Variants in DAB1 observed in about 807,000 individuals in gnomAD.
The protein encoded by DAB1 is disabled homolog 1.
DAB1 carries 15 observed loss-of-function variants against 64.6 expected under a neutral mutation model. That is an observed-to-expected ratio of 0.23 (90% CI 0.16 to 0.36). The LOEUF (loss-of-function observed/expected upper bound fraction) is 0.36. DAB1 is among the 10% of genes least tolerant of loss of function. The pLI is 1.00. For missense variants in DAB1, 596 were observed against 706.7 expected, an observed-to-expected ratio of 0.84 and a Z score of 1.78; for synonymous variants, 235 against 251.9, an observed-to-expected ratio of 0.93 and a Z score of 0.64.
intron 6 of DAB1, among the ~76,000 whole-genome samples, chr1:57,781,086 TTCTCTCTCTCTCTC>T (rs1180662610): frequency 1.0e-3 from 44 of 42,098 alleles, no homozygotes; most frequent in South Asian, 3.3e-3. Context: ...TTTGAGATCA[TTCTCTCTCTCTCTC>T]TCTCTCTCTC....
In DAB1 at chr1:58,360,716, G is replaced by A. The variant is rs567047783; in HGVS notation, n.258-17313C>T. Among the ~76,000 whole-genome samples the A allele has an allele frequency of 2.0e-5, 3 of 152,148 alleles. No individual in the cohort carries two copies. The East Asian group carries it at 5.8e-4, about 30-fold the overall frequency. On this transcript the variant is annotated intron_variant and non_coding_transcript_variant, in intron 3 of 20. Coordinates refer to the DAB1 transcript ENST00000485760. ...GAACATTTGCAGAAAGTCAAATACT[G>A]CGCTAATGAGAGAGTGTCAGGCTCA...
At chr1:57,960,253 A>G (rs923416065) in intron 5 of DAB1, among the ~76,000 whole-genome samples, 1 of 152,188 alleles carries the variant, frequency 6.6e-6, no homozygotes, top group South Asian at 2.1e-4. Flanking sequence ...CAGCTCAGCC[A>G]TGTTCTTACT....
intron 6 of DAB1, among the ~76,000 whole-genome samples, chr1:57,719,796 G>A (rs1356933441): frequency 2.0e-5 from 3 of 152,104 alleles, no homozygotes; most frequent in Admixed American, 1.3e-4. Context: ...GTGTGAGAGC[G>A]AACTAATACA....
intron 1 of DAB1, chr1:58,541,507 T>A (rs1646614682): frequency 6.8e-6 from 1 of 147,024 alleles, no homozygotes; most frequent in African/African-American, 2.5e-5. Flanking sequence ...ACCCAGCTAC[T>A]TGGGAGGCTG....
chr1:57,473,372 C>A lies in DAB1; in HGVS notation n.625+176220G>T, dbSNP rs547998286. Reference sequence around the variant, plus strand: ...ATTGCCCTCCCTCAAGGGAAGGGCCCTTACTTGAGATGTTCCCCGCTGCAG... The same window carrying A: ...ATTGCCCTCCCTCAAGGGAAGGGCCATTACTTGAGATGTTCCCCGCTGCAG... On this transcript the variant is annotated intron_variant and non_coding_transcript_variant, in intron 7 of 20. Coordinates refer to the DAB1 transcript ENST00000485760. 2.0e-5 allele frequency among the ~76,000 whole-genome samples: 3 copies of A among 152,262 alleles called. No individual in the cohort carries two copies. The South Asian group carries it at 6.2e-4, about 32-fold the overall frequency.
At chr1:58,373,617 A>C (rs1378364566) in intron 3 of DAB1, among the ~76,000 whole-genome samples, 1 of 152,048 alleles carries the variant, frequency 6.6e-6, no homozygotes, top group South Asian at 2.1e-4. Flanking sequence ...ATTGTGAATA[A>C]TGCCGCAATA....
At position 58,049,127 on chromosome 1, in the gene DAB1, C is replaced by T. The variant is rs575483190; in HGVS notation, n.387+101384G>A. 6.9e-5 allele frequency: 56 copies of T among 809,428 alleles called. 1 individual carries two copies. In the South Asian group the frequency reaches 7.2e-4, roughly 10 times the overall value. 50.1% of individuals were successfully genotyped at this position (809,428 alleles called of 1,614,324 possible). A position where few individuals can be genotyped will look rare whatever the true frequency, so the allele number is the denominator to read the frequency against. On this transcript the variant is annotated intron_variant and non_coding_transcript_variant, in intron 5 of 20. Coordinates refer to the DAB1 transcript ENST00000485760. The stretch of plus-strand genomic sequence containing the variant: ...TGGCATATGTGACAAACCCAAAGCC[C>T]CCGGAGCACTTGGTGTTTGGATCTC...
Position 57,577,125 on chromosome 1 carries a change from G to C in DAB1, n.625+72467C>G, listed in dbSNP as rs187512609. On this transcript the variant is annotated intron_variant and non_coding_transcript_variant, in intron 7 of 20. Coordinates refer to the DAB1 transcript ENST00000485760. ...GAGTCTGTAATGCTCGGGAAAGCAG[G>C]CCATCAGGGCTTCTGATGGGGGACA... Among the ~76,000 whole-genome samples the C allele has an allele frequency of 3.9e-5, 6 of 152,264 alleles. No homozygotes were observed. The South Asian group carries it at 1.2e-3, about 32-fold the overall frequency.
chr1:57,658,477 G>A (rs971736848), intron 6 of DAB1, among the ~76,000 whole-genome samples: 1 of 151,316 alleles, frequency 6.6e-6, no homozygotes, highest in Non-Finnish European at 1.5e-5. Context: ...CTAATTTTTT[G>A]TATTTTTAGT....
At chr1:58,272,624 G>C (rs1047944494) in intron 4 of DAB1, among the ~76,000 whole-genome samples, 1 of 130,744 alleles carries the variant, frequency 7.6e-6, no homozygotes, top group Non-Finnish European at 1.6e-5. Flanking sequence ...TGACAGTGGG[G>C]TGTTAAAGTC....
At chr1:57,941,689 G>C (rs1285701408) in intron 5 of DAB1, among the ~76,000 whole-genome samples, 1 of 152,092 alleles carries the variant, frequency 6.6e-6, no homozygotes, top group Non-Finnish European at 1.5e-5. Flanking sequence ...ACAAAAATTA[G>C]CCAGGCTTGG....
intron 1 of DAB1, among the ~76,000 whole-genome samples, chr1:57,307,634 T>C (rs1674305937): frequency 2.0e-5 from 3 of 152,026 alleles, no homozygotes; most frequent in East Asian, 1.9e-4. Context: ...GTTTCCTGTC[T>C]GCTGAACCTA....
intron 7 of DAB1, among the ~76,000 whole-genome samples, chr1:57,641,378 G>GTTTTTTTTTTTTT (rs1491296848): frequency 5.5e-5 from 6 of 109,798 alleles, no homozygotes; most frequent in African/African-American, 1.7e-4. Context: ...TTTTTTTGTT[G>GTTTTTTTTTTTTT]GTTTTTTTTT....
chr1:57,482,614 T>C (rs1644037923), intron 7 of DAB1, among the ~76,000 whole-genome samples: 2 of 151,020 alleles, frequency 1.3e-5, no homozygotes, highest in South Asian at 2.1e-4. Flanking sequence ...AAATTGCCAA[T>C]AGCTTTTTAT....
rs147319853 is a variant in DAB1, at chr1:57,916,515, G to A, written n.388-32353C>T. Among the ~76,000 whole-genome samples the A allele has an allele frequency of 5.5e-4, 84 of 152,332 alleles. 1 individual carries two copies. In the East Asian group the frequency reaches 0.016, roughly 28 times the overall value. ...GTATTAAGAACAGCCAACATGGTTG[G>A]AGTGCTCACTACATACTAGGCACTA... On this transcript the variant is annotated intron_variant and non_coding_transcript_variant, in intron 5 of 20. Coordinates refer to the DAB1 transcript ENST00000485760.
rs915151564 is a variant in DAB1, at chr1:57,970,208, G to C, written n.388-86046C>G. On this transcript the variant is annotated intron_variant and non_coding_transcript_variant, in intron 5 of 20. Transcript: ENST00000485760. The stretch of plus-strand genomic sequence containing the variant: ...TAAGCCATCGTGTCTATGGTAGTTT[G>C]TTACAGCAACCTGAATGGACCAACA... 8.3e-4 allele frequency among the ~76,000 whole-genome samples: 126 copies of C among 152,274 alleles called. 1 individual carries two copies. The highest frequency in any genetic ancestry group is 2.9e-3 in the African/African-American group (120 of 41,556).
intron 6 of DAB1, among the ~76,000 whole-genome samples, chr1:57,779,891 C>T (rs955611043): frequency 2.6e-5 from 4 of 152,070 alleles, no homozygotes; most frequent in Non-Finnish European, 4.4e-5. Context: ...CATTCTCCAT[C>T]AAGAAGAGAG....
chr1:57,013,618 G>A (rs1026899310), intron 12 of DAB1, among the ~76,000 whole-genome samples: 6 of 152,128 alleles, frequency 3.9e-5, no homozygotes, highest in African/African-American at 1.4e-4. Context: ...ATTAACATTA[G>A]GGGTGTTTTT....
intron 3 of DAB1, among the ~76,000 whole-genome samples, chr1:58,504,664 A>C (rs985442008): frequency 1.3e-5 from 2 of 152,232 alleles, no homozygotes; most frequent in African/African-American, 4.8e-5. Flanking sequence ...TAGATTAATC[A>C]ATAAGTATCA....
Sources: gnomAD v4.1 joint callset for allele counts (sites outside exome capture counted in the v4.1 genomes callset) on GRCh38, gnomAD v4.1.1 for gene constraint, MANE v1.5 for transcripts, NCBI Gene and HGNC (gene_info 2026-07-23, HGNC 2026-07-21) for gene names.